Variants in NISCH observed in about 807,000 individuals in gnomAD.
NISCH encodes the protein I-1 receptor candidate protein.
In NISCH, 55 loss-of-function variants were observed where a neutral mutation model predicts 138.4. That is an observed-to-expected ratio of 0.40 (90% confidence interval 0.32 to 0.50). The LOEUF (loss-of-function observed/expected upper bound fraction) is 0.50. Ranked by LOEUF, NISCH falls within the 20% of genes least tolerant of loss-of-function variation. The pLI, the probability that NISCH is intolerant of heterozygous loss-of-function variation, is 0.71. For synonymous variants in NISCH, 860 were observed against 861.5 expected (o/e 1.00, Z 0.03); for missense variants, 1,643 against 2,005.5 (o/e 0.82, Z 3.45).
intron 3 of NISCH, among the ~76,000 whole-genome samples, chr3:52,463,102 C>T: frequency 6.6e-6 from 1 of 152,208 alleles, no homozygotes; most frequent in East Asian, 1.9e-4. Flanking sequence ...TACCTGTTAG[C>T]AGGAGCTTCC....
At chr3:52,469,621 ATTAG>A (rs756316692) in intron 3 of NISCH, among the ~76,000 whole-genome samples, 32 of 152,276 alleles carry the variant, frequency 2.1e-4, no homozygotes, top group Non-Finnish European at 4.4e-4. Context: ...TTTCTTAAAA[ATTAG>A]TTGGTTGGCT....
chr3:52,472,702 T>C (rs1706988026), intron 6 of NISCH, among the ~76,000 whole-genome samples: 1 of 152,128 alleles, frequency 6.6e-6, no homozygotes, highest in African/African-American at 2.4e-5. Flanking sequence ...TACCTCAAGT[T>C]CAAGTCCTGG....
intron 3 of NISCH, among the ~76,000 whole-genome samples, chr3:52,463,358 A>T (rs1706688440): frequency 6.6e-6 from 1 of 152,178 alleles, no homozygotes; most frequent in Non-Finnish European, 1.5e-5. Flanking sequence ...TTAGCAGTTG[A>T]TGGATGTTAG....
rs1707013145 is a variant in NISCH at position 52,473,718 on chromosome 3, C to T, written c.670-16C>T. The T allele has an allele frequency of 6.4e-7, 1 of 1,551,562 alleles. No individual in the cohort carries two copies. Among genetic ancestry groups the T allele is most frequent in the South Asian group, 1.1e-5 (1 of 87,766 alleles). On this transcript the variant is annotated splice_polypyrimidine_tract_variant and intron_variant, in intron 6 of 20. Transcript: ENST00000345716. The stretch of plus-strand genomic sequence containing the variant: ...CAAGGATTCTGTTTCTGAGATGCAG[C>T]TGTTCTTTGTTCCAGATAAGTCACT...
intron 8 of NISCH, 25 bp from the exon 9 acceptor site, chr3:52,477,549 A>C (rs780779719): frequency 1.1e-5 from 17 of 1,606,210 alleles, no homozygotes; most frequent in Non-Finnish European, 1.4e-5. Flanking sequence ...CTACAGTAAC[A>C]TCGGGTGTTC....
In NISCH at chr3:52,458,050, A is replaced by T. The variant is rs935651644; in HGVS notation, c.177+124A>T. The T allele has an allele frequency of 4.3e-5, 29 of 674,798 alleles. No homozygotes were observed. In the Middle Eastern group the frequency reaches 2.1e-3, roughly 48 times the overall value. 41.8% of individuals were successfully genotyped at this position (674,798 alleles called of 1,614,324 possible). A position where few individuals can be genotyped will look rare whatever the true frequency, so the allele number is the denominator to read the frequency against. ...CATCTCTATAGTTCTTTAATAAACC[A>T]CTTTGTTAATATAACTGCGTTCATT... is the stretch of plus-strand genomic sequence containing the variant. On this transcript the variant is annotated intron_variant, in intron 2 of 20. Transcript: ENST00000345716.
At chr3:52,480,474 T>C in intron 13 of NISCH, 179 bp downstream of exon 13, 1 of 1,531,642 alleles carries the variant, frequency 6.5e-7, no homozygotes, top group Non-Finnish European at 8.7e-7. Context: ...GTGCCTGGCC[T>C]GATGCCAGCT....
At chr3:52,484,462 T>TGGGCCC in intron 13 of NISCH, 51 bp from the exon 14 acceptor site, 380 of 788,654 alleles carry the variant, frequency 4.8e-4, no homozygotes, top group Non-Finnish European at 6.4e-4. Flanking sequence ...ACAGCCGCTC[T>TGGGCCC]CCCCGCCCCA....
Position 52,492,430 on chromosome 3 carries a change from G to A in NISCH, c.4463G>A (p.Arg1488His), listed in dbSNP as rs375144185. 2.4e-5 allele frequency: 39 copies of A among 1,611,822 alleles called. No individual in the cohort carries two copies. Among genetic ancestry groups the A allele is most frequent in the Admixed American group, 8.3e-5 (5 of 59,986 alleles). The change falls in exon 21 of 21, where the codon CGC becomes CAC. Residue 1488 changes from arginine (R) to histidine (H), a missense_variant. Transcript: ENST00000345716. ...SREKLISLLA[R>H]QWEALCGREL... ...GAGAAGCTCATCTCGCTGTTGGCTC[G>A]CCAGTGGGAGGCCCTGTGTGGCCGT... is the stretch of plus-strand genomic sequence containing the variant.
At chr3:52,481,765 C>G (rs1006316294) in intron 13 of NISCH, 1 of 985,524 alleles carries the variant, frequency 1.0e-6, no homozygotes, top group African/African-American at 1.7e-5. Context: ...GGAGAAGCCT[C>G]TGCACCAGCT....
chr3:52,481,109 G>A (rs1707258639), intron 13 of NISCH: 1 of 1,295,088 alleles, frequency 7.7e-7, no homozygotes, highest in South Asian at 2.6e-5. Flanking sequence ...CCCTTGACCT[G>A]GTAACCCCAC....
In NISCH at chr3:52,492,302, T is replaced by C. The variant is rs757485138; in HGVS notation, c.4335T>C (p.Ser1445=). 2 of 1,613,428 alleles carry C rather than the reference T, an allele frequency of 1.2e-6. No homozygotes were observed. Among genetic ancestry groups the C allele is most frequent in the Admixed American group, 1.7e-5 (1 of 60,036 alleles). The part of the protein sequence containing the change: ...DDVQGHDLMG[S]VTLDHFGEVP... ...TGCAAGGTCATGACCTCATGGGCAG[T>C]GTCACCCTGGACCACTTTGGGGAGG... The change falls in exon 21 of 21, where the codon AGT becomes AGC. Residue 1445 remains serine (S), a synonymous_variant. Transcript: ENST00000345716.
rs759729431 is a variant in NISCH, at chr3:52,485,757, CTG to C, written c.1654-17_1654-16del. ...GCTGGCTGCAGTAGGTGGGGACTGA[CTG>C]TGTTTCTTTCTCCATCAGGCAGCTT... On this transcript the variant is annotated intron_variant, in intron 14 of 20. Coordinates refer to ENST00000345716, the MANE Select transcript of NISCH (RefSeq NM_007184.4). The C allele has an allele frequency of 1.4e-5, 22 of 1,569,862 alleles. No homozygotes were observed. Among genetic ancestry groups the C allele is most frequent in the Middle Eastern group, 1.7e-4 (1 of 6,010 alleles).
In NISCH at chr3:52,487,818, C is replaced by T; in HGVS notation, c.2326C>T (p.Pro776Ser). The T allele has an allele frequency of 6.2e-7, 1 of 1,613,516 alleles. No homozygotes were observed. ...GDLTEFGFLM[P>S]ELCLVLKVRH... Reference sequence around the variant, plus strand: ...CCTCACCGAGTTTGGCTTCCTCATGCCGGAGCTGTGTCTGGTGCTCAAGGT... The same window carrying T: ...CCTCACCGAGTTTGGCTTCCTCATGTCGGAGCTGTGTCTGGTGCTCAAGGT... The change falls in exon 16 of 21, where the codon CCG (proline) becomes TCG (serine). Residue 776 changes from proline to serine, a missense_variant. Physicochemically the swap from Pro to Ser is moderately conservative, Grantham distance 74 (BLOSUM62 -1). Transcript: ENST00000345716. This position sits in a 1 kb window ranked among gnomAD's most constrained non-coding sequence, Gnocchi z 9.1.
Position 52,489,565 on chromosome 3 carries a change from A to T in NISCH, c.3343A>T (p.Thr1115Ser), listed in dbSNP as rs748812238. The T allele has an allele frequency of 5.1e-5, 82 of 1,613,050 alleles. No homozygotes were observed. The highest frequency in any genetic ancestry group is 6.4e-5 in the Non-Finnish European group (76 of 1,179,990). Residue 1115 changes from threonine (T) to serine (S), a missense_variant, in exon 17 of 21, where the codon ACC becomes TCC. Coordinates refer to ENST00000345716, the MANE Select transcript of NISCH (RefSeq NM_007184.4). ...QYPSEHLIQA[T>S]SEENQIPSHL... Reference sequence around the variant, plus strand: ...CCCGAGTGAGCACCTCATCCAGGCCACCTCGGAGGAGAATCAGATCCCCTC... The same window carrying T: ...CCCGAGTGAGCACCTCATCCAGGCCTCCTCGGAGGAGAATCAGATCCCCTC...
chr3:52,481,468 A>G, intron 13 of NISCH: 1 of 985,568 alleles, frequency 1.0e-6, no homozygotes, highest in Non-Finnish European at 1.2e-6. Flanking sequence ...GCATTTTATT[A>G]CATAAAAGCC....
rs12495998 is a variant in NISCH at position 52,492,474 on chromosome 3, A to G, written c.4507A>G (p.Thr1503Ala). 1 of 1,598,628 alleles carries G rather than the reference A, an allele frequency of 6.3e-7. No individual in the cohort carries two copies. Among genetic ancestry groups the G allele is most frequent in the Non-Finnish European group, 8.5e-7 (1 of 1,173,082 alleles). ...LCGRELPVEL[T>A]G The stretch of plus-strand genomic sequence containing the variant: ...TGGCCGTGAGCTGCCTGTCGAGCTC[A>G]CCGGCTAGCCCAGGCCACAGCCAGC... The change falls in exon 21 of 21, where the codon ACC becomes GCC. Residue 1503 changes from threonine (T) to alanine (A), a missense_variant. Transcript: ENST00000345716.
intron 8 of NISCH, 83 bp from the exon 9 acceptor site, chr3:52,477,491 T>G (rs746626667): frequency 1.2e-4 from 140 of 1,172,462 alleles, no homozygotes; most frequent in Non-Finnish European, 1.8e-4. Flanking sequence ...GGAAGCGTCC[T>G]GGGGTGCCCG....
At position 52,492,529 on chromosome 3, in the gene NISCH, G is replaced by T; in HGVS notation, c.*47G>T. On this transcript the variant is annotated 3_prime_UTR_variant, in exon 21 of 21. Transcript: ENST00000345716. The stretch of plus-strand genomic sequence containing the variant: ...CGTGTCCAGCCTGACGCCTACTGGG[G>T]CAGGGCAGCAGGCTTTTGTGTTCTC... 1 of 1,516,264 alleles carries T rather than the reference G, an allele frequency of 6.6e-7. No individual in the cohort carries two copies. Among genetic ancestry groups the T allele is most frequent in the Non-Finnish European group, 8.8e-7 (1 of 1,138,744 alleles). The allele number at this position is 1,516,264 out of a possible 1,614,324, so 93.9% of individuals were successfully genotyped here. A position where few individuals can be genotyped will look rare whatever the true frequency, so the allele number is the denominator to read the frequency against.
Sources: allele counts gnomAD v4.1 joint callset (sites outside exome capture counted in the v4.1 genomes callset), GRCh38; gene constraint gnomAD v4.1.1; non-coding constraint Gnocchi (gnomAD v3.1); transcripts MANE v1.5; gene names NCBI Gene and HGNC (gene_info 2026-07-23, HGNC 2026-07-21).